CEMIP2: variants seen among roughly 807,000 people sequenced by gnomAD.
The protein encoded by CEMIP2 is cell surface hyaluronidase CEMIP2.
CEMIP2 carries 79 observed loss-of-function variants against 146.9 expected under a neutral mutation model. The observed-to-expected ratio is 0.54, with a 90% CI of 0.45 to 0.65. CEMIP2 has a LOEUF of 0.65. Among genes scored for constraint, CEMIP2 ranks in the 30% least tolerant of loss-of-function variants. The pLI is 0.00. For synonymous variants in CEMIP2, 601 were observed against 606.3 expected (o/e 0.99, Z 0.13); for missense variants, 1,596 against 1,696.2 (o/e 0.94, Z 1.04).
intron 18 of CEMIP2, among the ~76,000 whole-genome samples, chr9:71,702,779 G>T (rs1056308214): frequency 1.3e-5 from 2 of 152,086 alleles, no homozygotes; most frequent in Non-Finnish European, 2.9e-5. Flanking sequence ...AATTAAACAA[G>T]TATGACTGAA....
intron 1 of CEMIP2, among the ~76,000 whole-genome samples, chr9:71,766,651 A>G (rs1824805456): frequency 6.6e-6 from 1 of 152,262 alleles, no homozygotes; most frequent in Non-Finnish European, 1.5e-5. Context: ...AGACTACTCA[A>G]ATAATTAACT....
At chr9:71,717,512 C>T (rs1314477473) in intron 13 of CEMIP2, among the ~76,000 whole-genome samples, 1 of 152,044 alleles carries the variant, frequency 6.6e-6, no homozygotes, top group African/African-American at 2.4e-5. Flanking sequence ...CTTACTGCCT[C>T]AAGTCATGTT....
intron 10 of CEMIP2, 108 bp downstream of exon 10, chr9:71,729,737 G>A: frequency 9.5e-7 from 1 of 1,047,834 alleles, no homozygotes; most frequent in South Asian, 1.4e-5. Flanking sequence ...AGAAAACAAT[G>A]TCATGCTTGG....
chr9:71,683,416 A>G lies in CEMIP2; in HGVS notation c.*1781T>C, dbSNP rs1234485030. 1 of 152,318 alleles carries G rather than the reference A, an allele frequency of 6.6e-6. No individual in the cohort carries two copies. Among genetic ancestry groups the G allele is most frequent in the Non-Finnish European group, 1.5e-5 (1 of 67,980 alleles). The allele number at this position is 152,318 out of a possible 1,614,324, so 9.4% of individuals were successfully genotyped here. On this transcript the variant is annotated 3_prime_UTR_variant, in exon 24 of 24. Coordinates refer to ENST00000377044, the MANE Select transcript of CEMIP2 (RefSeq NM_013390.3). Reference sequence around the variant, plus strand: ...TTTAACTTAGGCCCTGATTATTAGTATATAAAACAGAAAAACCAAGTGCCT... The same window carrying G: ...TTTAACTTAGGCCCTGATTATTAGTGTATAAAACAGAAAAACCAAGTGCCT...
intron 17 of CEMIP2, among the ~76,000 whole-genome samples, chr9:71,708,157 G>A (rs1822805609): frequency 1.3e-5 from 2 of 152,204 alleles, no homozygotes; most frequent in African/African-American, 2.4e-5. Context: ...CTGCACTCCA[G>A]CCTGGGCGAC....
chr9:71,739,765 GA>G (rs1397586843), intron 5 of CEMIP2, among the ~76,000 whole-genome samples: 2 of 151,988 alleles, frequency 1.3e-5, no homozygotes, highest in South Asian at 2.1e-4. Context: ...AACATTATGA[GA>G]TTTTTTTTTT....
intron 8 of CEMIP2, 70 bp from the exon 9 acceptor site, chr9:71,730,323 C>T (rs1218196547): frequency 6.8e-7 from 1 of 1,464,306 alleles, no homozygotes; most frequent in Non-Finnish European, 9.4e-7. Context: ...CAAGCGCTAT[C>T]CAGTGTAGCA....
rs565774471 is a variant in CEMIP2, at chr9:71,763,935, C to T, written c.-13+4422G>A. Among the ~76,000 whole-genome samples, 5 of 152,294 alleles carry T rather than the reference C, an allele frequency of 3.3e-5. No individual in the cohort carries two copies. The South Asian group carries it at 1.0e-3, about 32-fold the overall frequency. On this transcript the variant is annotated intron_variant, in intron 1 of 23. Transcript: ENST00000377044. ...TCCTAGGAATGCAATAAAATAGTTG[C>T]TGAACATAGTTCCTGACAACCAATA...
intron 12 of CEMIP2, 35 bp from the exon 13 acceptor site, chr9:71,718,114 CATAAA>C (rs1823123433): frequency 1.3e-6 from 2 of 1,571,370 alleles, no homozygotes; most frequent in Non-Finnish European, 1.7e-6. Context: ...AAAAATATAA[CATAAA>C]AGCCATAGGA....
chr9:71,689,494 A>G (rs2131850470), intron 22 of CEMIP2, among the ~76,000 whole-genome samples: 1 of 152,350 alleles, frequency 6.6e-6, no homozygotes, highest in South Asian at 2.1e-4. Context: ...AGAGACATCA[A>G]AGAAAACCAA....
At chr9:71,756,545 C>T (rs948255892) in intron 1 of CEMIP2, among the ~76,000 whole-genome samples, 1 of 150,504 alleles carries the variant, frequency 6.6e-6, no homozygotes, top group Non-Finnish European at 1.5e-5. Context: ...AACACACACA[C>T]AAGAGAAAGA....
At chr9:71,731,108 C>G in intron 7 of CEMIP2, 194 bp from the exon 8 acceptor site, 2 of 597,346 alleles carry the variant, frequency 3.3e-6, no homozygotes, top group Non-Finnish European at 5.9e-6. Flanking sequence ...CTTTAAAGAG[C>G]CACAAAAATA....
At chr9:71,718,290 T>G (rs1235794319) in intron 12 of CEMIP2, among the ~76,000 whole-genome samples, 1 of 152,220 alleles carries the variant, frequency 6.6e-6, no homozygotes, top group African/African-American at 2.4e-5. Context: ...CTTTTACATC[T>G]TCTTAGTTTG....
chr9:71,738,216 C>A (rs1267278585), intron 5 of CEMIP2, among the ~76,000 whole-genome samples: 1 of 152,218 alleles, frequency 6.6e-6, no homozygotes, highest in Non-Finnish European at 1.5e-5. Context: ...AAGAAACATT[C>A]TTTTTTTCAT....
rs189213080 is a variant in CEMIP2, at chr9:71,765,731, C to T, written c.-13+2626G>A. On this transcript the variant is annotated intron_variant, in intron 1 of 23. Coordinates refer to ENST00000377044, the MANE Select transcript of CEMIP2 (RefSeq NM_013390.3). ...TTCTAATTGTTCATTTCCTTATGTC[C>T]GGGGCTAGGCTCATTTCTTCAATAG... 3.2e-3 allele frequency among the ~76,000 whole-genome samples: 486 copies of T among 152,248 alleles called. 4 individuals are homozygous for T. The highest frequency in any genetic ancestry group is 5.1e-3 in the Non-Finnish European group (349 of 68,034).
intron 11 of CEMIP2, among the ~76,000 whole-genome samples, chr9:71,723,044 T>G (rs1180015295): frequency 3.0e-3 from 246 of 81,186 alleles, no homozygotes; most frequent in Non-Finnish European, 3.6e-3. Flanking sequence ...GGGGAGGAGG[T>G]GGGAGGAAGG....
At position 71,692,365 on chromosome 9, in the gene CEMIP2, A is replaced by ATCTCTCTCTCTC. The variant is rs10683725; in HGVS notation, c.3697-2131_3697-2120dup. ...CTCTCTCTCTCTCTCTCTACCCCCC[A>ATCTCTCTCTCTC]TCTCTCTCTCTCTCTCTCTCTCTCT... On this transcript the variant is annotated intron_variant, in intron 21 of 23. Coordinates refer to ENST00000377044, the MANE Select transcript of CEMIP2 (RefSeq NM_013390.3). 7.5e-3 allele frequency among the ~76,000 whole-genome samples: 676 copies of ATCTCTCTCTCTC among 90,534 alleles called. 19 individuals carry two copies. Among genetic ancestry groups the ATCTCTCTCTCTC allele is most frequent in the African/African-American group, 0.026 (561 of 21,854 alleles). 59.4% of individuals were successfully genotyped at this position (90,534 alleles called of 152,430 possible). A position where few individuals can be genotyped will look rare whatever the true frequency, so the allele number is the denominator to read the frequency against.
At chr9:71,698,538 T>C (rs1563996944) in intron 19 of CEMIP2, among the ~76,000 whole-genome samples, 2 of 152,234 alleles carry the variant, frequency 1.3e-5, no homozygotes, top group African/African-American at 2.4e-5. Context: ...TTATACATAA[T>C]GTGTTGAGTT....
intron 22 of CEMIP2, chr9:71,686,547 G>A (rs773943112): frequency 3.3e-5 from 5 of 152,124 alleles, no homozygotes; most frequent in Non-Finnish European, 7.3e-5. Context: ...CCAGTCCATG[G>A]AAAAATTATC....
Sources: allele counts gnomAD v4.1 joint callset (sites outside exome capture counted in the v4.1 genomes callset), GRCh38; gene constraint gnomAD v4.1.1; transcripts MANE v1.5; gene names NCBI Gene and HGNC (gene_info 2026-07-23, HGNC 2026-07-21).